The following NEK6 variants were observed in gnomAD, a reference collection of about 807,000 sequenced individuals.
NEK6 encodes the protein NIMA related kinase 6.
Under a neutral mutation model 43.5 loss-of-function variants are expected in NEK6, and 27 were observed. The observed-to-expected ratio is 0.62, with a 90% CI of 0.46 to 0.86. NEK6 has a LOEUF of 0.86. NEK6 is among the 40% of genes least tolerant of loss of function. The probability of loss-of-function intolerance (pLI) is 0.00; values close to 1 mark genes in which losing one functional copy is unlikely to be tolerated. For synonymous variants in NEK6, 167 were observed against 164.1 expected (o/e 1.02, Z -0.14); for missense variants, 318 against 414.4 (o/e 0.77, Z 2.02).
intron 2 of NEK6, among the ~76,000 whole-genome samples, chr9:124,308,293 G>A (rs1346727063): frequency 6.6e-6 from 1 of 152,170 alleles, no homozygotes; most frequent in Non-Finnish European, 1.5e-5. Context: ...GTGGGGTTGG[G>A]GGTGTTATTT....
rs372666863 is a variant in NEK6, at chr9:124,342,884, T to C, written c.717+3219T>C. Among the ~76,000 whole-genome samples, 62 of 151,978 alleles carry C rather than the reference T, an allele frequency of 4.1e-4. 3 individuals carry two copies. In the South Asian group the frequency reaches 0.012, roughly 29 times the overall value. On this transcript the variant is annotated intron_variant, in intron 8 of 9. Transcript: ENST00000320246. Reference sequence around the variant, plus strand: ...GCCAGGCTGACAGAGCTGTGCCCACTTCCCTGGGGCTGGGGCCGGGAGGCC... The same window carrying C: ...GCCAGGCTGACAGAGCTGTGCCCACCTCCCTGGGGCTGGGGCCGGGAGGCC...
intron 4 of NEK6, 62 bp from the exon 5 acceptor site, chr9:124,321,397 C>T (rs1373667870): frequency 1.9e-6 from 2 of 1,071,986 alleles, no homozygotes; most frequent in Non-Finnish European, 2.8e-6. Context: ...CGGTGGCAGG[C>T]AGGCACTGGG....
chr9:124,303,620 C>T (rs1047781610), intron 2 of NEK6, among the ~76,000 whole-genome samples: 2 of 152,170 alleles, frequency 1.3e-5, no homozygotes, highest in African/African-American at 4.8e-5. Flanking sequence ...TATGCATACA[C>T]ACAAGCATGC....
chr9:124,264,698 C>T (rs1295773625), intron 1 of NEK6, among the ~76,000 whole-genome samples: 2 of 151,200 alleles, frequency 1.3e-5, no homozygotes, highest in African/African-American at 4.9e-5. Flanking sequence ...CCCAGCTACT[C>T]GGGAGCCTGA....
chr9:124,284,780 C>T (rs1461683984), intron 1 of NEK6, among the ~76,000 whole-genome samples: 2 of 152,224 alleles, frequency 1.3e-5, no homozygotes, highest in Admixed American at 1.3e-4. Context: ...CTGGTGGGAG[C>T]TTCCCTTAAT....
intron 1 of NEK6, among the ~76,000 whole-genome samples, chr9:124,279,684 A>ATG (rs1450617779): frequency 6.6e-6 from 1 of 152,178 alleles, no homozygotes; most frequent in Non-Finnish European, 1.5e-5. Context: ...AGTGCTGATT[A>ATG]TGTGCCAAGG....
chr9:124,300,526 T>G (rs552961719), intron 1 of NEK6, among the ~76,000 whole-genome samples: 1 of 152,184 alleles, frequency 6.6e-6, no homozygotes, highest in Non-Finnish European at 1.5e-5. Context: ...TGGAGAGAGA[T>G]GACGTCTTTG....
intron 9 of NEK6, among the ~76,000 whole-genome samples, chr9:124,349,566 G>A (rs1830139586): frequency 1.3e-5 from 2 of 152,210 alleles, no homozygotes; most frequent in South Asian, 4.1e-4. Context: ...CTATTTTAAA[G>A]TTATATCGCT....
chr9:124,305,266 G>A (rs947844154), intron 2 of NEK6, among the ~76,000 whole-genome samples: 1 of 152,230 alleles, frequency 6.6e-6, no homozygotes, highest in Non-Finnish European at 1.5e-5. Context: ...TTAAAATTCA[G>A]TTAGTGGGCC....
At chr9:124,330,650 G>A (rs1009782688) in intron 7 of NEK6, among the ~76,000 whole-genome samples, 6 of 152,370 alleles carry the variant, frequency 3.9e-5, no homozygotes, top group African/African-American at 7.2e-5. Flanking sequence ...GCGCTGAGGC[G>A]CAAACCCCTT....
chr9:124,310,286 G>A (rs978464910), intron 2 of NEK6, among the ~76,000 whole-genome samples: 2 of 152,246 alleles, frequency 1.3e-5, no homozygotes, highest in Non-Finnish European at 2.9e-5. Flanking sequence ...TGGGCGCGTG[G>A]GCGGTGTCTG....
rs1057086655 is a variant in NEK6 at position 124,266,901 on chromosome 9, C to T, written c.-30+8816C>T. Among the ~76,000 whole-genome samples the T allele has an allele frequency of 7.2e-5, 11 of 152,298 alleles. 1 individual carries two copies. The highest frequency in any genetic ancestry group is 6.2e-4 in the South Asian group (3 of 4,824). ...GGTTTCTTAGAGAAATGCTCATCCT[C>T]GAATTATTCCAATGAGGAGGAACCT... On this transcript the variant is annotated intron_variant, in intron 1 of 9. Transcript: ENST00000320246.
At chr9:124,301,004 C>T (rs966439035) in intron 1 of NEK6, among the ~76,000 whole-genome samples, 3 of 152,220 alleles carry the variant, frequency 2.0e-5, no homozygotes, top group African/African-American at 7.2e-5. Flanking sequence ...CTTCCATGCA[C>T]ACCATGTGGG....
At chr9:124,265,077 G>C (rs765222131) in intron 1 of NEK6, among the ~76,000 whole-genome samples, 2 of 152,186 alleles carry the variant, frequency 1.3e-5, no homozygotes, top group African/African-American at 2.4e-5. Context: ...GGAGACTGGG[G>C]AGCGACTGAT....
chr9:124,297,977 C>G (rs377382601), intron 1 of NEK6, among the ~76,000 whole-genome samples: 21 of 152,206 alleles, frequency 1.4e-4, no homozygotes, highest in East Asian at 1.2e-3. Flanking sequence ...GCCCTAAAAT[C>G]CAATACCCAT....
In NEK6 at chr9:124,258,825, A is replaced by G. The variant is rs1177030855; in HGVS notation, c.-30+740A>G. Among the ~76,000 whole-genome samples the G allele has an allele frequency of 5.9e-5, 9 of 152,366 alleles. No individual in the cohort carries two copies. The South Asian group carries it at 1.9e-3, about 32-fold the overall frequency. On this transcript the variant is annotated intron_variant, in intron 1 of 9. Transcript: ENST00000320246. ...GCCAGGCTGCGGCAGGGCCACTGGC[A>G]GGACCCTCTCTGCATACACAGGCTG...
intron 4 of NEK6, among the ~76,000 whole-genome samples, chr9:124,316,187 A>G (rs980109553): frequency 6.6e-6 from 1 of 152,258 alleles, no homozygotes; most frequent in Non-Finnish European, 1.5e-5. Context: ...GACATATCAC[A>G]TCATTCATGC....
intron 7 of NEK6, 34 bp from the exon 8 acceptor site, chr9:124,339,537 A>G (rs1228183125): frequency 9.3e-6 from 14 of 1,505,444 alleles, no homozygotes; most frequent in Non-Finnish European, 1.3e-5. Flanking sequence ...CCCTACATGG[A>G]GCATAAGCAG....
In NEK6 at chr9:124,326,977, A is replaced by G. The variant is rs150290644; in HGVS notation, c.515-361A>G. On this transcript the variant is annotated intron_variant, in intron 6 of 9. Transcript: ENST00000320246. The surrounding 1 kb of genome is among the most constrained non-coding windows in gnomAD (Gnocchi z 4.5). ...TGGGGGGTACGGCACTGGGTGCTCCACTGAGCACTCCGTTCATTCATTACG... is the reference window on the plus strand; with the variant it reads ...TGGGGGGTACGGCACTGGGTGCTCCGCTGAGCACTCCGTTCATTCATTACG... Among the ~76,000 whole-genome samples, 611 of 152,196 alleles carry G rather than the reference A, an allele frequency of 4.0e-3. 6 individuals carry two copies. Among genetic ancestry groups the G allele is most frequent in the African/African-American group, 0.014 (580 of 41,506 alleles).
Sources: allele counts gnomAD v4.1 joint callset (sites outside exome capture counted in the v4.1 genomes callset), GRCh38; gene constraint gnomAD v4.1.1; non-coding constraint Gnocchi (gnomAD v3.1); transcripts MANE v1.5; gene names NCBI Gene and HGNC (gene_info 2026-07-23, HGNC 2026-07-21).